The following GML variants were observed in gnomAD, a reference collection of about 807,000 sequenced individuals.
GML encodes the protein glycosylphosphatidylinositol anchored molecule like, also known as glycosyl-phosphatidylinositol-anchored molecule-like protein.
A neutral mutation model predicts 8.2 loss-of-function variants in GML; 5 were observed. That is an observed-to-expected ratio of 0.61 (90% confidence interval 0.32 to 1.28). The LOEUF (loss-of-function observed/expected upper bound fraction) is 1.28, where lower values mean the gene tolerates loss of function less well. Among genes scored for constraint, GML ranks in the 50% most tolerant of loss-of-function variants. The pLI is 0.06. For missense variants in GML, 191 were observed against 198.3 expected, an observed-to-expected ratio of 0.96 and a Z score of 0.22; for synonymous variants, 72 against 69.0, an observed-to-expected ratio of 1.04 and a Z score of -0.22.
chr8:142,841,490 T>TGGACCTC (rs1341265680), intron 3 of GML, among the ~76,000 whole-genome samples: 2 of 152,222 alleles, frequency 1.3e-5, no homozygotes, highest in Non-Finnish European at 2.9e-5. Flanking sequence ...GGAGCATTGC[T>TGGACCTC]GGACCTCAGA....
chr8:142,844,425 C>G (rs1816478829), intron 3 of GML, among the ~76,000 whole-genome samples: 1 of 152,098 alleles, frequency 6.6e-6, no homozygotes, highest in Admixed American at 6.5e-5. Flanking sequence ...CAAAATAGTG[C>G]TAGTCACATA....
intron 3 of GML, among the ~76,000 whole-genome samples, chr8:142,844,687 TA>T (rs1314290075): frequency 3.3e-5 from 5 of 152,306 alleles, no homozygotes; most frequent in Admixed American, 6.5e-5. Flanking sequence ...GTAACATACA[TA>T]AGAAAAGTTG....
rs1368735172 is a variant in GML, at chr8:142,843,847, A to G, written c.182-2548A>G. 2.0e-5 allele frequency among the ~76,000 whole-genome samples: 3 copies of G among 152,196 alleles called. No homozygotes were observed. In the East Asian group the frequency reaches 5.8e-4, roughly 29 times the overall value. The stretch of plus-strand genomic sequence containing the variant: ...AAAACACCATTAAAGACTTAAACAC[A>G]TGGAATTGTACACTATACTTATGGA... On this transcript the variant is annotated intron_variant, in intron 3 of 3. Transcript: ENST00000220940.
chr8:142,841,807 A>C (rs1489674936), intron 3 of GML, among the ~76,000 whole-genome samples: 1 of 152,192 alleles, frequency 6.6e-6, no homozygotes, highest in Non-Finnish European at 1.5e-5. Flanking sequence ...CCAATGGAGC[A>C]AGCAGGGAGG....
intron 3 of GML, among the ~76,000 whole-genome samples, chr8:142,841,982 C>T (rs1816440826): frequency 1.3e-5 from 2 of 152,160 alleles, no homozygotes; most frequent in African/African-American, 4.8e-5. Context: ...TGATTACCAC[C>T]TCGGTGTGGT....
intron 2 of GML, 69 bp from the exon 3 acceptor site, chr8:142,841,049 A>T (rs1271224871): frequency 3.7e-6 from 3 of 805,214 alleles, no homozygotes; most frequent in Non-Finnish European, 6.7e-6. Flanking sequence ...AGAAGGGTGG[A>T]GTGAGCTGGT....
intron 1 of GML, among the ~76,000 whole-genome samples, chr8:142,839,372 G>A (rs1330868360): frequency 1.3e-5 from 2 of 152,210 alleles, no homozygotes; most frequent in South Asian, 2.1e-4. Flanking sequence ...GCCCACTGGC[G>A]CTGGACTTGG....
chr8:142,843,372 A>G lies in GML; in HGVS notation c.181+2147A>G, dbSNP rs77338478. Among the ~76,000 whole-genome samples the G allele has an allele frequency of 7.3e-3, 1,108 of 151,930 alleles. 10 individuals carry two copies. Among genetic ancestry groups the G allele is most frequent in the African/African-American group, 0.024 (995 of 41,416 alleles). ...TTACAATTTGAAACCCATCAGTTTA[A>G]TTCACCATATTAACAAAGAAAAGGG... On this transcript the variant is annotated intron_variant, in intron 3 of 3. Coordinates refer to ENST00000220940, the MANE Select transcript of GML (RefSeq NM_002066.3).
chr8:142,844,240 G>A (rs1351866211), intron 3 of GML, among the ~76,000 whole-genome samples: 1 of 152,266 alleles, frequency 6.6e-6, no homozygotes, highest in East Asian at 1.9e-4. Context: ...ACTTCTCTGC[G>A]CTGAGCAGTA....
At chr8:142,844,804 G>A (rs1011087915) in intron 3 of GML, among the ~76,000 whole-genome samples, 3 of 152,174 alleles carry the variant, frequency 2.0e-5, no homozygotes, top group Non-Finnish European at 4.4e-5. Flanking sequence ...TGTTGTCAGG[G>A]TTCTGAACTG....
chr8:142,838,096 T>C lies in GML; in HGVS notation c.-22-2320T>C, dbSNP rs1240918051. 3.8e-5 allele frequency among the ~76,000 whole-genome samples: 5 copies of C among 132,214 alleles called. 1 individual carries two copies. Among genetic ancestry groups the C allele is most frequent in the Admixed American group, 1.5e-4 (2 of 12,956 alleles). The allele number at this position is 132,214 out of a possible 152,430, so 86.7% of individuals were successfully genotyped here. A position where few individuals can be genotyped will look rare whatever the true frequency, so the allele number is the denominator to read the frequency against. On this transcript the variant is annotated intron_variant, in intron 1 of 3. Coordinates refer to ENST00000220940, the MANE Select transcript of GML (RefSeq NM_002066.3). ...GCCCTCTTCGGAATTTCAGTTTACG[T>C]GGGCCTTGGTGCTTCCACATCTGTC...
At position 142,846,609 on chromosome 8, in the gene GML, T is replaced by A. The variant is rs1816507071; in HGVS notation, c.396T>A (p.Leu132=). The change falls in exon 4 of 4, where the codon CTT becomes CTA. Residue 132 remains leucine (L), a synonymous_variant. Coordinates refer to ENST00000220940, the MANE Select transcript of GML (RefSeq NM_002066.3). ...MLPDEVTEEE[L]PEGTVRLGVS... is the part of the protein sequence containing the mutation. ...CCGATGAAGTAACTGAGGAGGAGCTTCCAGAAGGAACTGTGAGGCTGGGGG... is the reference window on the plus strand; with the variant it reads ...CCGATGAAGTAACTGAGGAGGAGCTACCAGAAGGAACTGTGAGGCTGGGGG... 1 of 1,614,026 alleles carries A rather than the reference T, an allele frequency of 6.2e-7. No individual in the cohort carries two copies. Among genetic ancestry groups the A allele is most frequent in the Non-Finnish European group, 8.5e-7 (1 of 1,179,874 alleles).
Position 142,845,176 on chromosome 8 carries a change from A to C in GML, c.182-1219A>C, listed in dbSNP as rs182068133. On this transcript the variant is annotated intron_variant, in intron 3 of 3. Coordinates refer to ENST00000220940, the MANE Select transcript of GML (RefSeq NM_002066.3). The stretch of plus-strand genomic sequence containing the variant: ...AGCAAAAGAAGCCATCCACAAAAGC[A>C]GATGTAATGTATAATTTCATTTCAT... Among the ~76,000 whole-genome samples the C allele has an allele frequency of 2.0e-5, 3 of 152,392 alleles. No homozygotes were observed. In the East Asian group the frequency reaches 5.8e-4, roughly 29 times the overall value.
At chr8:142,834,945 C>T (rs945178488) in intron 1 of GML, 77 bp downstream of exon 1, 1 of 87,344 alleles carries the variant, frequency 1.1e-5, no homozygotes, top group Non-Finnish European at 2.3e-5. Flanking sequence ...GCAGCCTCCT[C>T]GTCAGCTGCT....
intron 1 of GML, 58 bp downstream of exon 1, chr8:142,834,926 C>G (rs1049879230): frequency 2.8e-5 from 3 of 107,722 alleles, no homozygotes; most frequent in African/African-American, 1.2e-4. Context: ...GCCCAGGGGC[C>G]CAGCTGAGGC....
intron 1 of GML, among the ~76,000 whole-genome samples, chr8:142,839,720 C>A (rs1586543609): frequency 6.6e-6 from 1 of 152,232 alleles, no homozygotes; most frequent in African/African-American, 2.4e-5. Flanking sequence ...TGGGTCCCTG[C>A]GAGAAAATGT....
At chr8:142,844,239 C>T (rs1417706381) in intron 3 of GML, among the ~76,000 whole-genome samples, 3 of 152,196 alleles carry the variant, frequency 2.0e-5, no homozygotes, top group Non-Finnish European at 2.9e-5. Flanking sequence ...CACTTCTCTG[C>T]GCTGAGCAGT....
Position 142,846,837 on chromosome 8 carries a change from A to G in GML, c.*147A>G. On this transcript the variant is annotated 3_prime_UTR_variant, in exon 4 of 4. Transcript: ENST00000220940. ...TTGTTGTAAGAGAAAAATTAAAAAA[A>G]TATTGTTTAGTGGAGATGTTCATGA... The G allele has an allele frequency of 1.6e-6, 1 of 614,700 alleles. No homozygotes were observed. Among genetic ancestry groups the G allele is most frequent in the African/African-American group, 1.8e-5 (1 of 54,252 alleles). The allele number at this position is 614,700 out of a possible 1,614,324, so 38.1% of individuals were successfully genotyped here.
chr8:142,846,381 GCTT>G lies in GML; in HGVS notation c.182-10_182-8del, dbSNP rs552824030. 1.9e-6 allele frequency: 3 copies of G among 1,552,228 alleles called. No homozygotes were observed. Among genetic ancestry groups the G allele is most frequent in the Admixed American group, 1.7e-5 (1 of 57,354 alleles). ...TGTGAAATCAATTATTTTCATTGCT[GCTT>G]CTTTTTTTAGGCATAAATTCTCGTG... On this transcript the variant is annotated splice_polypyrimidine_tract_variant and intron_variant, in intron 3 of 3. Coordinates refer to ENST00000220940, the MANE Select transcript of GML (RefSeq NM_002066.3).
Sources: gnomAD v4.1 joint callset for allele counts (sites outside exome capture counted in the v4.1 genomes callset) on GRCh38, gnomAD v4.1.1 for gene constraint, MANE v1.5 for transcripts, NCBI Gene and HGNC (gene_info 2026-07-23, HGNC 2026-07-21) for gene names.